Variants in IGSF10 observed in about 807,000 individuals in gnomAD.
IGSF10 encodes immunoglobulin superfamily member 10.
A neutral mutation model predicts 128.2 loss-of-function variants in IGSF10; 126 were observed. The observed-to-expected ratio is 0.98, with a 90% CI of 0.85 to 1.14. IGSF10 has a LOEUF of 1.14. IGSF10 is among the 50% of genes most tolerant of loss of function. The probability of loss-of-function intolerance (pLI) is 0.00; values close to 1 mark genes in which losing one functional copy is unlikely to be tolerated. For missense variants in IGSF10, 3,295 were observed against 3,149.8 expected (o/e 1.05, Z -1.10); for synonymous variants, 1,185 against 1,146.2 (o/e 1.03, Z -0.68).
In IGSF10 at chr3:151,445,672, C is replaced by T. The variant is rs775792460; in HGVS notation, c.4309G>A (p.Ala1437Thr). ...TTGCTGGACAAAGTTGTTTCAGAAG[C>T]AATTGTGCTCTTCAAAGTCTGAGTA... Reference protein sequence around the residue: ...ASTQTLKSTIASETTLSSKSH... With the variant: ...ASTQTLKSTITSETTLSSKSH... The change falls in exon 6 of 8, where the codon GCT becomes ACT. Residue 1437 changes from alanine (A) to threonine (T), a missense_variant. Coordinates refer to ENST00000282466, the MANE Select transcript of IGSF10 (RefSeq NM_178822.5). The T allele has an allele frequency of 1.9e-6, 3 of 1,614,162 alleles. No individual in the cohort carries two copies. Among genetic ancestry groups the T allele is most frequent in the Non-Finnish European group, 2.5e-6 (3 of 1,180,026 alleles).
chr3:151,442,313 A>G (rs532585921), intron 7 of IGSF10, among the ~76,000 whole-genome samples: 7 of 152,018 alleles, frequency 4.6e-5, no homozygotes, highest in Non-Finnish European at 1.0e-4. Context: ...TAGAATCTCC[A>G]CTGCATCATA....
the IGSF10 span, among the ~76,000 whole-genome samples, chr3:151,583,332 T>C: frequency 3.3e-5 from 5 of 152,228 alleles, no homozygotes; most frequent in Non-Finnish European, 5.9e-5. Context: ...ATTTAAGTTA[T>C]AGATTTTCCA....
At chr3:151,578,858 C>A in the IGSF10 span, among the ~76,000 whole-genome samples, 1 of 152,130 alleles carries the variant, frequency 6.6e-6, no homozygotes, top group African/African-American at 2.4e-5. Flanking sequence ...GGTCAAGAGG[C>A]AGAATCATTG....
the IGSF10 span, among the ~76,000 whole-genome samples, chr3:151,516,959 A>G: frequency 1.3e-5 from 2 of 151,288 alleles, no homozygotes; most frequent in African/African-American, 2.4e-5. Flanking sequence ...TTTCCCACCA[A>G]TTGTATTTGG....
downstream of IGSF10, among the ~76,000 whole-genome samples, chr3:151,432,451 T>C (rs1719643486): frequency 6.6e-6 from 1 of 152,254 alleles, no homozygotes; most frequent in African/African-American, 2.4e-5. Context: ...AAACTTTTAC[T>C]GTATTCCTTT....
At chr3:151,534,569 A>T in the IGSF10 span, among the ~76,000 whole-genome samples, 1 of 145,666 alleles carries the variant, frequency 6.9e-6, no homozygotes, top group African/African-American at 2.6e-5. Flanking sequence ...AAACCAAACA[A>T]GTTTCTGTTC....
At chr3:151,575,402 T>TG in the IGSF10 span, among the ~76,000 whole-genome samples, 1 of 149,130 alleles carries the variant, frequency 6.7e-6, no homozygotes, top group African/African-American at 2.5e-5. Context: ...TCCCGGTCGC[T>TG]TTTTTTACCT....
intron 6 of IGSF10, among the ~76,000 whole-genome samples, chr3:151,444,116 A>C (rs932742097): frequency 7.2e-5 from 11 of 152,046 alleles, no homozygotes; most frequent in Admixed American, 6.5e-4. Context: ...TCTACAAACA[A>C]AAAATAAAAT....
At chr3:151,458,813 G>A (rs763498692) in intron 2 of IGSF10, 103 bp from the exon 3 acceptor site, 38 of 902,410 alleles carry the variant, frequency 4.2e-5, no homozygotes, top group Non-Finnish European at 5.2e-5. Flanking sequence ...TTTAAGGGTC[G>A]TAAGTGGTCA....
the IGSF10 span, among the ~76,000 whole-genome samples, chr3:151,548,928 T>C: frequency 1.4e-4 from 21 of 152,172 alleles, no homozygotes; most frequent in African/African-American, 4.8e-4. Context: ...ACACTTTTAT[T>C]AAGGGCATTT....
chr3:151,577,110 T>G, the IGSF10 span, among the ~76,000 whole-genome samples: 1 of 152,216 alleles, frequency 6.6e-6, no homozygotes, highest in Non-Finnish European at 1.5e-5. Context: ...ATTCTGTCCA[T>G]ATATTTATGT....
the IGSF10 span, among the ~76,000 whole-genome samples, chr3:151,500,182 CAAAT>C: frequency 7.7e-4 from 117 of 152,140 alleles, no homozygotes; most frequent in African/African-American, 2.6e-3. Context: ...TGGCTGCAGT[CAAAT>C]AAAAAATGTA....
At chr3:151,570,393 C>T in the IGSF10 span, among the ~76,000 whole-genome samples, 1 of 152,128 alleles carries the variant, frequency 6.6e-6, no homozygotes, top group South Asian at 2.1e-4. Flanking sequence ...CCCTCCAGCA[C>T]CTGTTGTTTC....
At chr3:151,522,411 T>C in the IGSF10 span, among the ~76,000 whole-genome samples, 14 of 152,114 alleles carry the variant, frequency 9.2e-5, no homozygotes, top group Admixed American at 9.2e-4. Context: ...TTCAGACCAA[T>C]ATCCTTGATG....
the IGSF10 span, among the ~76,000 whole-genome samples, chr3:151,494,342 G>T: frequency 2.5e-3 from 379 of 152,178 alleles, 1 homozygote; most frequent in African/African-American, 8.6e-3. Context: ...AAGTTAGGAA[G>T]AAAGACAGGA....
In IGSF10 at chr3:151,460,269, T is replaced by C; in HGVS notation, c.-10A>G. On this transcript the variant is annotated 5_prime_UTR_variant, in exon 2 of 8. Transcript: ENST00000282466. ...ATAGGAATTGGCAATACCTGAGCTC[T>C]TCTTTCAGGTCCTGAGTCCTCTTGT... is the stretch of plus-strand genomic sequence containing the variant. 1.0e-6 allele frequency: 1 copy of C among 963,078 alleles called. No individual in the cohort carries two copies. The highest frequency in any genetic ancestry group is 4.8e-5 in the South Asian group (1 of 20,840). The allele number at this position is 963,078 out of a possible 1,614,324, so 59.7% of individuals were successfully genotyped here.
At chr3:151,617,318 TCCCCTCCTCCTCCTCCCCCTCCTCCTC>T in the IGSF10 span, among the ~76,000 whole-genome samples, 3 of 79,010 alleles carry the variant, frequency 3.8e-5, no homozygotes, top group East Asian at 3.4e-4. Flanking sequence ...TTCTTCTTCT[TCCCCTCCTCCTCCTCCCCCTCCTCCTC>T]CTCCTCCTCC....
the IGSF10 span, among the ~76,000 whole-genome samples, chr3:151,496,449 G>A: frequency 6.9e-6 from 1 of 145,852 alleles, no homozygotes; most frequent in Non-Finnish European, 1.5e-5. Context: ...TGCGGTGTTT[G>A]GTTTTTCTGT....
upstream of IGSF10, chr3:151,461,222 G>GCTTT (rs1722049277): frequency 5.1e-6 from 5 of 985,376 alleles, no homozygotes; most frequent in Non-Finnish European, 6.0e-6. Context: ...AATTCCCAGG[G>GCTTT]CTTTCTCCTA....
Sources: allele counts gnomAD v4.1 joint callset (sites outside exome capture counted in the v4.1 genomes callset), GRCh38; gene constraint gnomAD v4.1.1; transcripts MANE v1.5; gene names NCBI Gene and HGNC (gene_info 2026-07-23, HGNC 2026-07-21).